Variants in DNAJB6 observed in about 807,000 individuals in gnomAD.
DNAJB6 encodes dnaJ homolog subfamily B member 6.
DNAJB6 carries 16 observed loss-of-function variants against 42.7 expected under a neutral mutation model. The observed-to-expected ratio is 0.37, with a 90% CI of 0.25 to 0.57. DNAJB6 has a LOEUF of 0.57. Among genes scored for constraint, DNAJB6 ranks in the 20% least tolerant of loss-of-function variants. The pLI, the probability that DNAJB6 is intolerant of heterozygous loss-of-function variation, is 0.74. For missense variants in DNAJB6, 347 were observed against 416.8 expected, an observed-to-expected ratio of 0.83 and a Z score of 1.46; for synonymous variants, 170 against 163.5, an observed-to-expected ratio of 1.04 and a Z score of -0.30.
chr7:157,351,153 C>T (rs531703503), intron 1 of DNAJB6, among the ~76,000 whole-genome samples: 12 of 152,078 alleles, frequency 7.9e-5, no homozygotes, highest in African/African-American at 2.9e-4. Flanking sequence ...AGGCTGGTCT[C>T]GAACTCTCTA....
intron 7 of DNAJB6, 45 bp from the exon 8 acceptor site, chr7:157,385,496 A>G (rs1261645192): frequency 3.1e-6 from 5 of 1,596,698 alleles, no homozygotes; most frequent in Non-Finnish European, 4.3e-6. Context: ...TCACACATGC[A>G]TTTTCTTTAC....
intron 2 of DNAJB6, among the ~76,000 whole-genome samples, chr7:157,359,195 T>C (rs1799456778): frequency 6.6e-6 from 1 of 152,154 alleles, no homozygotes; most frequent in Non-Finnish European, 1.5e-5. Context: ...ATGTAGAGTA[T>C]ACAGCAAAGA....
At chr7:157,359,085 C>T (rs1361094532) in intron 2 of DNAJB6, among the ~76,000 whole-genome samples, 1 of 152,172 alleles carries the variant, frequency 6.6e-6, no homozygotes, top group Non-Finnish European at 1.5e-5. Context: ...GTACCTGCAT[C>T]TGTGTGACCA....
intron 8 of DNAJB6, among the ~76,000 whole-genome samples, chr7:157,402,850 G>A (rs1040328285): frequency 5.3e-5 from 8 of 152,226 alleles, no homozygotes; most frequent in African/African-American, 1.4e-4. Context: ...CGTGGGCCAC[G>A]GAGAAAGTCC....
At chr7:157,394,286 G>A (rs1801483399) in intron 8 of DNAJB6, among the ~76,000 whole-genome samples, 1 of 152,230 alleles carries the variant, frequency 6.6e-6, no homozygotes, top group South Asian at 2.1e-4. Context: ...AACAGCAGAT[G>A]TTGCCTTGTC....
chr7:157,346,398 A>G (rs1417268880), intron 1 of DNAJB6, among the ~76,000 whole-genome samples: 1 of 151,686 alleles, frequency 6.6e-6, no homozygotes, highest in African/African-American at 2.4e-5. Flanking sequence ...GTATCAAATA[A>G]TGCTAATTGG....
chr7:157,385,039 A>G (rs1217774712), intron 7 of DNAJB6, 31 bp downstream of exon 7: 52 of 1,605,880 alleles, frequency 3.2e-5, no homozygotes, highest in Non-Finnish European at 4.0e-5. Flanking sequence ...TTATATTTTT[A>G]GTAAGCAGGC....
intron 1 of DNAJB6, among the ~76,000 whole-genome samples, chr7:157,346,025 C>T (rs964637742): frequency 8.3e-6 from 1 of 121,078 alleles, no homozygotes; most frequent in Non-Finnish European, 1.8e-5. Flanking sequence ...CCTTCCAGTC[C>T]TCCTGAGGGC....
chr7:157,352,841 C>T (rs1799065152), intron 1 of DNAJB6, among the ~76,000 whole-genome samples: 1 of 152,062 alleles, frequency 6.6e-6, no homozygotes, highest in Non-Finnish European at 1.5e-5. Flanking sequence ...AGGTAGTTTT[C>T]CAAGGAACCA....
At chr7:157,382,521 A>G (rs1214094826) in intron 6 of DNAJB6, 144 bp downstream of exon 6, 5 of 818,726 alleles carry the variant, frequency 6.1e-6, no homozygotes, top group Non-Finnish European at 7.0e-6. Context: ...TTTTTTTGGT[A>G]TACAGGTCTG....
intron 8 of DNAJB6, among the ~76,000 whole-genome samples, chr7:157,393,380 T>G (rs1801439739): frequency 6.6e-6 from 1 of 152,216 alleles, no homozygotes; most frequent in East Asian, 1.9e-4. Context: ...ATATAAGTAT[T>G]TTTGTCTTGT....
chr7:157,385,425 C>T, intron 7 of DNAJB6, 116 bp from the exon 8 acceptor site: 1 of 1,121,474 alleles, frequency 8.9e-7, no homozygotes, highest in Non-Finnish European at 1.3e-6. Flanking sequence ...GTTTTTACAG[C>T]CTGAAAATTA....
chr7:157,415,236 A>G (rs1162530792), intron 9 of DNAJB6: 1 of 152,262 alleles, frequency 6.6e-6, no homozygotes, highest in African/African-American at 2.4e-5. Context: ...TGAGTTCAAG[A>G]CAGTTTCTGC....
chr7:157,414,169 G>T (rs1393136273), intron 9 of DNAJB6: 1 of 152,344 alleles, frequency 6.6e-6, no homozygotes, highest in African/African-American at 2.4e-5. Flanking sequence ...AGGCCCAGTG[G>T]CAGCAGTTGC....
At chr7:157,379,805 C>CTTTTTTTTTTTTTTTTTTTTTTTTTTT (rs57417414) in intron 5 of DNAJB6, 1 of 121,166 alleles carries the variant, frequency 8.3e-6, no homozygotes, top group Non-Finnish European at 1.7e-5. Flanking sequence ...GCAGAAATGC[C>CTTTTTTTTTTTTTTTTTTTTTTTTTTT]TTTTTTTTTT....
At chr7:157,346,316 T>TAAAAAAAAAAA (rs60806134) in intron 1 of DNAJB6, among the ~76,000 whole-genome samples, 2 of 117,730 alleles carry the variant, frequency 1.7e-5, no homozygotes, top group Non-Finnish European at 3.5e-5. Context: ...CAAGGAGTAG[T>TAAAAAAAAAAA]AAAAAAAAAA....
chr7:157,400,375 T>TAGGGA (rs1554467485), intron 8 of DNAJB6, among the ~76,000 whole-genome samples: 31 of 151,808 alleles, frequency 2.0e-4, no homozygotes, highest in African/African-American at 4.1e-4. Flanking sequence ...CGCTCGTGTG[T>TAGGGA]GGTGTGCCGT....
intron 1 of DNAJB6, among the ~76,000 whole-genome samples, chr7:157,340,993 T>TGTGTGTGC (rs1798337632): frequency 1.2e-5 from 1 of 83,722 alleles, no homozygotes; most frequent in Non-Finnish European, 2.7e-5. Context: ...TGTGTGTGTG[T>TGTGTGTGC]GTGTGCGCGC....
At chr7:157,385,072 T>C in intron 7 of DNAJB6, 64 bp downstream of exon 7, 3 of 1,534,908 alleles carry the variant, frequency 2.0e-6, no homozygotes, top group Admixed American at 1.8e-5. Context: ...TGGTGCCATG[T>C]TGCACGTCTC....
Sources: gnomAD v4.1 joint callset for allele counts (sites outside exome capture counted in the v4.1 genomes callset) on GRCh38, gnomAD v4.1.1 for gene constraint, MANE v1.5 for transcripts, NCBI Gene and HGNC (gene_info 2026-07-23, HGNC 2026-07-21) for gene names.